SMYD4: variants seen among roughly 807,000 people sequenced by gnomAD.
The protein encoded by SMYD4 is protein-lysine N-methyltransferase SMYD4.
SMYD4 carries 68 observed loss-of-function variants against 72.8 expected under a neutral mutation model. That is an observed-to-expected ratio of 0.93 (90% CI 0.77 to 1.14). SMYD4 has a LOEUF of 1.14. Among genes scored for constraint, SMYD4 ranks in the 50% most tolerant of loss-of-function variants. The probability of loss-of-function intolerance (pLI) is 0.00; values close to 1 mark genes in which losing one functional copy is unlikely to be tolerated. For missense variants in SMYD4, 984 were observed against 1,003.7 expected (o/e 0.98, Z 0.27); for synonymous variants, 407 against 388.6 (o/e 1.05, Z -0.56).
At chr17:1,813,695 G>T (rs1411811122) in intron 2 of SMYD4, among the ~76,000 whole-genome samples, 1 of 152,084 alleles carries the variant, frequency 6.6e-6, no homozygotes. Context: ...GATCACAGGT[G>T]TGAGCCACTG....
chr17:1,811,545 A>G (rs1910330851), intron 3 of SMYD4, among the ~76,000 whole-genome samples: 1 of 152,188 alleles, frequency 6.6e-6, no homozygotes, highest in South Asian at 2.1e-4. Context: ...TCTTTTTCAA[A>G]TCCATTCAAT....
intron 2 of SMYD4, among the ~76,000 whole-genome samples, chr17:1,821,006 TAGTG>T (rs983032084): frequency 2.6e-5 from 4 of 152,140 alleles, no homozygotes; most frequent in African/African-American, 9.7e-5. Flanking sequence ...GGGTATGAAT[TAGTG>T]AGAGACATAC....
At chr17:1,805,684 C>A (rs192950830) in intron 3 of SMYD4, among the ~76,000 whole-genome samples, 3 of 151,620 alleles carry the variant, frequency 2.0e-5, no homozygotes, top group East Asian at 3.9e-4. Flanking sequence ...TGGTGGCGCA[C>A]GCCTGTAATC....
At chr17:1,812,677 T>C (rs371967383) in intron 2 of SMYD4, among the ~76,000 whole-genome samples, 1 of 147,424 alleles carries the variant, frequency 6.8e-6, no homozygotes, top group African/African-American at 2.5e-5. Flanking sequence ...GCCTCCTGAA[T>C]AGGTGGGATT....
At chr17:1,804,586 C>T in intron 4 of SMYD4, 40 bp downstream of exon 4, 1 of 1,583,178 alleles carries the variant, frequency 6.3e-7, no homozygotes, top group Non-Finnish European at 8.7e-7. Context: ...AAGAAGCCCT[C>T]CGGATCCTGT....
intron 7 of SMYD4, 172 bp from the exon 8 acceptor site, chr17:1,784,633 G>C: frequency 1.1e-6 from 1 of 935,998 alleles, no homozygotes; most frequent in Non-Finnish European, 1.3e-6. Flanking sequence ...CGGCAATGGC[G>C]GCAATTCTAA....
intron 3 of SMYD4, 65 bp from the exon 4 acceptor site, chr17:1,804,780 G>A: frequency 6.6e-7 from 1 of 1,514,658 alleles, no homozygotes; most frequent in Non-Finnish European, 9.1e-7. Context: ...ACATTTTTCA[G>A]ATATTCCGGG....
chr17:1,804,748 T>C (rs1174188972), intron 3 of SMYD4, 33 bp from the exon 4 acceptor site: 1 of 1,596,518 alleles, frequency 6.3e-7, no homozygotes, highest in African/African-American at 1.3e-5. Context: ...AAAGTATAAA[T>C]GGACACCAGC....
chr17:1,812,240 A>G (rs917352738), intron 2 of SMYD4, 125 bp from the exon 3 acceptor site: 45 of 1,099,462 alleles, frequency 4.1e-5, no homozygotes, highest in Admixed American at 1.2e-4. Context: ...GGATATGTAC[A>G]TTGTGCAATG....
chr17:1,807,037 C>T (rs867386831), intron 3 of SMYD4, among the ~76,000 whole-genome samples: 1 of 151,990 alleles, frequency 6.6e-6, no homozygotes, highest in African/African-American at 2.4e-5. Context: ...GTTACAGGCA[C>T]ACGCCACCAT....
At chr17:1,807,417 C>T (rs1015489885) in intron 3 of SMYD4, among the ~76,000 whole-genome samples, 1 of 144,828 alleles carries the variant, frequency 6.9e-6, no homozygotes, top group African/African-American at 2.5e-5. Flanking sequence ...TTCCGCGTAC[C>T]GCCCCCCCCG....
chr17:1,828,250 C>A (rs1176013333), intron 1 of SMYD4, among the ~76,000 whole-genome samples: 1 of 151,288 alleles, frequency 6.6e-6, no homozygotes. Context: ...ACTCGGGAGG[C>A]TGAGGCAAGA....
intron 3 of SMYD4, among the ~76,000 whole-genome samples, chr17:1,809,188 TTTAAAC>T (rs1369085126): frequency 6.6e-6 from 1 of 151,762 alleles, no homozygotes; most frequent in East Asian, 1.9e-4. Context: ...ACCCTTCAAA[TTTAAAC>T]TTATTCTTTT....
chr17:1,815,731 G>C (rs952052162), intron 2 of SMYD4, among the ~76,000 whole-genome samples: 17 of 148,596 alleles, frequency 1.1e-4, no homozygotes, highest in African/African-American at 4.0e-4. Context: ...ACGAAGTCTC[G>C]CTCTGTCACC....
intron 2 of SMYD4, among the ~76,000 whole-genome samples, chr17:1,824,057 T>C (rs1260295841): frequency 1.3e-5 from 2 of 152,140 alleles, no homozygotes. Flanking sequence ...AAAATGACAC[T>C]ATAGGCCAGG....
In SMYD4 at chr17:1,794,049, ATATG is replaced by A. The variant is rs1247552090; in HGVS notation, c.1537+5804_1537+5807del. On this transcript the variant is annotated intron_variant, in intron 5 of 10. Transcript: ENST00000305513. Reference sequence around the variant, plus strand: ...TGTATATATATATGTATGTATATATATATGTGTGTATATATATGTGTATATATAT... The same window carrying A: ...TGTATATATATATGTATGTATATATATGTGTATATATATGTGTATATATAT... Among the ~76,000 whole-genome samples, 14 of 48,186 alleles carry A rather than the reference ATATG, an allele frequency of 2.9e-4. No individual in the cohort carries two copies. The South Asian group carries it at 3.0e-3, about 10-fold the overall frequency. The allele number at this position is 48,186 out of a possible 152,430, so 31.6% of individuals were successfully genotyped here. A position where few individuals can be genotyped will look rare whatever the true frequency, so the allele number is the denominator to read the frequency against.
chr17:1,810,410 A>G (rs1394148507), intron 3 of SMYD4, among the ~76,000 whole-genome samples: 3 of 152,022 alleles, frequency 2.0e-5, no homozygotes, highest in East Asian at 1.9e-4. Flanking sequence ...GGTGCCGCAT[A>G]CCTGTAATCC....
intron 2 of SMYD4, among the ~76,000 whole-genome samples, chr17:1,817,223 A>G (rs1438022670): frequency 6.6e-6 from 1 of 152,072 alleles, no homozygotes; most frequent in Non-Finnish European, 1.5e-5. Context: ...TTTTTAGTAG[A>G]GACAGGGTTT....
At chr17:1,803,929 G>A (rs1437302589) in intron 4 of SMYD4, among the ~76,000 whole-genome samples, 1 of 150,570 alleles carries the variant, frequency 6.6e-6, no homozygotes, top group Non-Finnish European at 1.5e-5. Context: ...AGGCTGGAGT[G>A]CAGTGGTGCG....
Sources: allele counts gnomAD v4.1 joint callset (sites outside exome capture counted in the v4.1 genomes callset), GRCh38; gene constraint gnomAD v4.1.1; transcripts MANE v1.5; gene names NCBI Gene and HGNC (gene_info 2026-07-23, HGNC 2026-07-21).